Variants in BRF1 observed in about 807,000 individuals in gnomAD.
The protein encoded by BRF1 is BRF1 general transcription factor IIIB subunit, also known as transcription factor IIIB 90 kDa subunit.
Under a neutral mutation model 81.7 loss-of-function variants are expected in BRF1, and 59 were observed. The observed-to-expected ratio is 0.72, with a 90% CI of 0.59 to 0.90. The LOEUF is 0.90. Among genes scored for constraint, BRF1 ranks in the 40% least tolerant of loss-of-function variants. BRF1 has a pLI of 0.00. For synonymous variants in BRF1, 491 were observed against 395.6 expected (o/e 1.24, Z -2.86); for missense variants, 1,050 against 936.3 (o/e 1.12, Z -1.58).
chr14:105,270,235 G>A (rs1402280370), intron 3 of BRF1, among the ~76,000 whole-genome samples: 3 of 150,058 alleles, frequency 2.0e-5, no homozygotes, highest in African/African-American at 7.4e-5. Context: ...GTGCAGTGGC[G>A]CGATCTCGGC....
At chr14:105,257,772 A>G (rs2055956865) in intron 3 of BRF1, among the ~76,000 whole-genome samples, 1 of 152,054 alleles carries the variant, frequency 6.6e-6, no homozygotes. Flanking sequence ...ACACACACCA[A>G]CGGGAAAAGT....
intron 5 of BRF1, chr14:105,248,503 C>T (rs1286691114): frequency 1.0e-6 from 1 of 975,640 alleles, no homozygotes; most frequent in Non-Finnish European, 1.2e-6. Flanking sequence ...GGCCGCGAGG[C>T]AGCGACGTCG....
At chr14:105,267,808 G>A (rs2056487527) in intron 3 of BRF1, among the ~76,000 whole-genome samples, 1 of 152,246 alleles carries the variant, frequency 6.6e-6, no homozygotes, top group Non-Finnish European at 1.5e-5. Context: ...GCAGAGAAGT[G>A]TGGGCTCTGA....
In BRF1 at chr14:105,241,252, G is replaced by C; in HGVS notation, c.694+13C>G. 6.2e-7 allele frequency: 1 copy of C among 1,609,518 alleles called. No homozygotes were observed. ...CAGACCAGCATCCCCCAGGCAGGCA[G>C]GGCCCGCTGTACCTGCTCCGCAGAG... is the stretch of plus-strand genomic sequence containing the variant. On this transcript the variant is annotated intron_variant, in intron 6 of 17. Transcript: ENST00000547530.
upstream of BRF1, among the ~76,000 whole-genome samples, chr14:105,304,655 T>A (rs2058129332): frequency 6.6e-6 from 1 of 152,216 alleles, no homozygotes; most frequent in Non-Finnish European, 1.5e-5. Flanking sequence ...ACACTGCTGA[T>A]AAAGACATAC....
chr14:105,210,532 C>G lies in BRF1; in HGVS notation c.*19G>C. The stretch of plus-strand genomic sequence containing the variant: ...CGCGAGGCCCCCTGCCAGGACATCA[C>G]CTGCCTGGAGGCCACACTTCAGTAG... On this transcript the variant is annotated 3_prime_UTR_variant, in exon 18 of 18. Transcript: ENST00000547530. This position sits in a 1 kb window ranked among gnomAD's most constrained non-coding sequence, Gnocchi z 4.7. 6.2e-7 allele frequency: 1 copy of G among 1,610,322 alleles called. No homozygotes were observed. Among genetic ancestry groups the G allele is most frequent in the Non-Finnish European group, 8.5e-7 (1 of 1,179,816 alleles).
intron 5 of BRF1, among the ~76,000 whole-genome samples, chr14:105,245,364 A>AT (rs1309155467): frequency 1.3e-5 from 2 of 152,106 alleles, no homozygotes; most frequent in African/African-American, 2.4e-5. Flanking sequence ...CCATCTCAAA[A>AT]AAAATAAATA....
chr14:105,266,291 T>C (rs1168628147), intron 3 of BRF1, among the ~76,000 whole-genome samples: 2 of 152,104 alleles, frequency 1.3e-5, no homozygotes, highest in Non-Finnish European at 2.9e-5. Context: ...AGTGCACCTA[T>C]GGTCCCGGCT....
intron 1 of BRF1, among the ~76,000 whole-genome samples, chr14:105,298,937 G>A (rs1050171032): frequency 2.0e-5 from 3 of 151,412 alleles, no homozygotes; most frequent in Non-Finnish European, 4.4e-5. Flanking sequence ...TTGGGAGGCC[G>A]AGGTAGGCGG....
chr14:105,248,970 C>G lies in BRF1; in HGVS notation c.544+3537G>C, dbSNP rs2055364828. On this transcript the variant is annotated intron_variant, in intron 5 of 17. Coordinates refer to ENST00000547530, the MANE Select transcript of BRF1 (RefSeq NM_001519.4). ...GGGCAGGAAGGCCGGGCCGCGCAGC[C>G]CGCCCAGCGCCCCCGCGCCAGCGCC... is the stretch of plus-strand genomic sequence containing the variant. 3.1e-6 allele frequency: 3 copies of G among 981,800 alleles called. No individual in the cohort carries two copies. The African/African-American group carries it at 5.3e-5, about 17-fold the overall frequency. 60.8% of individuals were successfully genotyped at this position (981,800 alleles called of 1,614,324 possible). A position where few individuals can be genotyped will look rare whatever the true frequency, so the allele number is the denominator to read the frequency against.
intron 5 of BRF1, chr14:105,249,984 A>T: frequency 1.2e-6 from 2 of 1,612,676 alleles, no homozygotes; most frequent in Non-Finnish European, 1.7e-6. Flanking sequence ...AACTGGGCCG[A>T]GGCGGAGTGC....
At chr14:105,247,368 G>C in intron 5 of BRF1, 8 of 985,428 alleles carry the variant, frequency 8.1e-6, no homozygotes, top group Non-Finnish European at 9.6e-6. Flanking sequence ...TGGGGGCTCG[G>C]GCACCCCATT....
In BRF1 at chr14:105,228,785, G is replaced by C. The variant is rs587622675; in HGVS notation, c.788+35C>G. On this transcript the variant is annotated intron_variant, in intron 7 of 17. Transcript: ENST00000547530. Reference sequence around the variant, plus strand: ...CCTGAGCTGGACTGATGAAGCCTCTGTGTGGTCCCCATGCCATGAATGAGA... The same window carrying C: ...CCTGAGCTGGACTGATGAAGCCTCTCTGTGGTCCCCATGCCATGAATGAGA... 9.0e-4 allele frequency: 1,453 copies of C among 1,609,904 alleles called. 29 individuals are homozygous for C. The South Asian group carries it at 0.014, about 16-fold the overall frequency.
chr14:105,246,871 G>T, intron 5 of BRF1: 1 of 985,426 alleles, frequency 1.0e-6, no homozygotes, highest in Non-Finnish European at 1.2e-6. Context: ...ACTACCTCTG[G>T]CGGCTCAGCA....
intron 10 of BRF1, among the ~76,000 whole-genome samples, chr14:105,224,046 AT>A (rs1298194720): frequency 6.6e-6 from 1 of 152,198 alleles, no homozygotes; most frequent in Non-Finnish European, 1.5e-5. Flanking sequence ...ACAACTTTGT[AT>A]CTATCCAATC....
chr14:105,224,744 C>G (rs1412161442), intron 10 of BRF1, among the ~76,000 whole-genome samples: 1 of 152,204 alleles, frequency 6.6e-6, no homozygotes, highest in African/African-American at 2.4e-5. Context: ...GATGGGGTCT[C>G]ACTATGCTGA....
intron 15 of BRF1, among the ~76,000 whole-genome samples, chr14:105,213,581 G>A (rs1165350058): frequency 6.6e-6 from 1 of 152,078 alleles, no homozygotes; most frequent in African/African-American, 2.4e-5. Flanking sequence ...CGGGGCTACA[G>A]GGAGAGCGGT....
chr14:105,228,426 C>G (rs1256711226), intron 7 of BRF1, among the ~76,000 whole-genome samples: 1 of 152,036 alleles, frequency 6.6e-6, no homozygotes, highest in Non-Finnish European at 1.5e-5. Context: ...CGCCTGTAAT[C>G]CCAGCTACTC....
At chr14:105,266,323 G>C (rs1397069890) in intron 3 of BRF1, among the ~76,000 whole-genome samples, 1 of 152,166 alleles carries the variant, frequency 6.6e-6, no homozygotes, top group African/African-American at 2.4e-5. Flanking sequence ...TGAGGCGAGA[G>C]AGTCGCCTGA....
Sources: gnomAD v4.1 joint callset for allele counts (sites outside exome capture counted in the v4.1 genomes callset) on GRCh38, gnomAD v4.1.1 for gene constraint, Gnocchi (gnomAD v3.1) non-coding constraint, MANE v1.5 for transcripts, NCBI Gene and HGNC (gene_info 2026-07-23, HGNC 2026-07-21) for gene names.